The following N4BP2L2 variants were observed in gnomAD, a reference collection of about 807,000 sequenced individuals.
N4BP2L2 encodes NEDD4 binding protein 2 like 2.
Under a neutral mutation model 56.2 loss-of-function variants are expected in N4BP2L2, and 50 were observed. The ratio of observed to expected loss-of-function variants is 0.89; its 90% confidence interval spans 0.71 to 1.13. The LOEUF (loss-of-function observed/expected upper bound fraction) is 1.13. Among genes scored for constraint, N4BP2L2 ranks in the 50% most tolerant of loss-of-function variants. N4BP2L2 has a pLI of 0.00. For synonymous variants in N4BP2L2, 203 were observed against 223.6 expected (o/e 0.91, Z 0.82); for missense variants, 689 against 693.8 (o/e 0.99, Z 0.08).
intron 6 of N4BP2L2, among the ~76,000 whole-genome samples, chr13:32,485,971 G>A (rs1030192466): frequency 3.1e-4 from 47 of 152,214 alleles, no homozygotes; most frequent in African/African-American, 1.1e-3. Context: ...TCAGGAGGCT[G>A]AGGTGGAAGT....
At chr13:32,536,136 G>A in exon 2 of N4BP2L2, 1 of 1,614,096 alleles carries the variant, frequency 6.2e-7, no homozygotes, top group Non-Finnish European at 8.5e-7. Context: ...GGTGGATTTG[G>A]TGGACCACTG....
intron 6 of N4BP2L2, among the ~76,000 whole-genome samples, chr13:32,479,974 A>T (rs1200433582): frequency 1.3e-5 from 2 of 152,182 alleles, no homozygotes; most frequent in Non-Finnish European, 2.9e-5. Context: ...TCACTGATAA[A>T]TTTCCAAAAC....
At chr13:32,527,668 G>C (rs1347889737) in intron 2 of N4BP2L2, 136 bp from the exon 3 acceptor site, 1 of 955,296 alleles carries the variant, frequency 1.0e-6, no homozygotes, top group Non-Finnish European at 1.5e-6. Flanking sequence ...ATACTTACCT[G>C]AAAGTATATC....
intron 6 of N4BP2L2, among the ~76,000 whole-genome samples, chr13:32,463,663 C>CAAA (rs35920030): frequency 1.6e-4 from 17 of 104,008 alleles, no homozygotes; most frequent in South Asian, 6.9e-4. Flanking sequence ...GACTTGGTCT[C>CAAA]AAAAAAAAAA....
intron 6 of N4BP2L2, among the ~76,000 whole-genome samples, chr13:32,502,442 A>AG (rs749301539): frequency 1.3e-5 from 2 of 152,134 alleles, no homozygotes; most frequent in African/African-American, 2.4e-5. Flanking sequence ...TTATCAAAAG[A>AG]GGTAAAATCA....
At chr13:32,527,654 TCTGATACTTAC>T in intron 2 of N4BP2L2, 122 bp from the exon 3 acceptor site, 2 of 1,083,840 alleles carry the variant, frequency 1.8e-6, no homozygotes, top group South Asian at 2.9e-5. Context: ...TAAATGGATT[TCTGATACTTAC>T]CTGAAAGTAT....
intron 6 of N4BP2L2, among the ~76,000 whole-genome samples, chr13:32,458,361 G>A (rs868497525): frequency 1.1e-3 from 161 of 152,208 alleles, no homozygotes; most frequent in Non-Finnish European, 1.7e-3. Flanking sequence ...CACTGTGCCC[G>A]GCCAAATTGA....
At chr13:32,458,667 T>C (rs534211160) in intron 6 of N4BP2L2, among the ~76,000 whole-genome samples, 18 of 152,288 alleles carry the variant, frequency 1.2e-4, no homozygotes, top group South Asian at 2.1e-4. Context: ...AAGGGAGAGA[T>C]AGACTCTAGA....
exon 7 of N4BP2L2, chr13:32,442,797 T>C: frequency 2.5e-6 from 4 of 1,613,804 alleles, no homozygotes; most frequent in Non-Finnish European, 3.4e-6. Context: ...GTCTGTTAAA[T>C]GACAGGCAAT....
chr13:32,470,103 T>C (rs1053877088), intron 6 of N4BP2L2, among the ~76,000 whole-genome samples: 2 of 152,182 alleles, frequency 1.3e-5, no homozygotes, highest in Non-Finnish European at 2.9e-5. Flanking sequence ...TCTCTGCTTA[T>C]GCATTGTGTA....
At chr13:32,499,472 C>T (rs2089539566) in intron 6 of N4BP2L2, among the ~76,000 whole-genome samples, 1 of 152,134 alleles carries the variant, frequency 6.6e-6, no homozygotes, top group Non-Finnish European at 1.5e-5. Context: ...TTCCTATATA[C>T]ATTGGTAAAG....
intron 6 of N4BP2L2, among the ~76,000 whole-genome samples, chr13:32,499,300 T>C (rs956584805): frequency 6.6e-6 from 1 of 152,226 alleles, no homozygotes; most frequent in Non-Finnish European, 1.5e-5. Context: ...TTCTTCTCAC[T>C]ACTGGTTCAT....
chr13:32,442,751 G>T (rs1456652099), exon 7 of N4BP2L2: 7 of 1,613,052 alleles, frequency 4.3e-6, no homozygotes, highest in Non-Finnish European at 5.9e-6. Context: ...ACAAAAGAAG[G>T]AATATAATTT....
chr13:32,517,987 C>T (rs777701445), exon 6 of N4BP2L2: 3 of 1,613,384 alleles, frequency 1.9e-6, no homozygotes, highest in Non-Finnish European at 2.5e-6. Context: ...TTTCGAGACA[C>T]ACCATGTTTA....
intron 6 of N4BP2L2, among the ~76,000 whole-genome samples, chr13:32,450,250 G>C (rs1297417217): frequency 1.3e-5 from 2 of 151,422 alleles, no homozygotes; most frequent in East Asian, 3.9e-4. Flanking sequence ...TGTAAACATG[G>C]AAAAATGAAT....
intron 2 of N4BP2L2, among the ~76,000 whole-genome samples, chr13:32,531,159 C>G (rs1460707973): frequency 1.3e-5 from 2 of 152,188 alleles, no homozygotes; most frequent in East Asian, 3.8e-4. Flanking sequence ...TCCTAGCCAA[C>G]ATCTTGATCA....
At chr13:32,501,135 T>C (rs1005172864) in intron 6 of N4BP2L2, among the ~76,000 whole-genome samples, 27 of 152,306 alleles carry the variant, frequency 1.8e-4, no homozygotes, top group Non-Finnish European at 1.6e-4. Flanking sequence ...CCTAAAGCGC[T>C]GGGCTTACAG....
intron 6 of N4BP2L2, among the ~76,000 whole-genome samples, chr13:32,490,605 G>A (rs2086850373): frequency 6.6e-6 from 1 of 152,060 alleles, no homozygotes; most frequent in Non-Finnish European, 1.5e-5. Context: ...GCGCCTGGCC[G>A]AAGCTATTGT....
At chr13:32,512,544 G>A (rs574985337) in exon 6 of N4BP2L2, 2 of 152,244 alleles carry the variant, frequency 1.3e-5, no homozygotes, top group East Asian at 3.9e-4. Context: ...TCAGAGAACA[G>A]AATTTGTCAG....
Sources: allele counts gnomAD v4.1 joint callset (sites outside exome capture counted in the v4.1 genomes callset), GRCh38; gene constraint gnomAD v4.1.1; transcripts MANE v1.5; gene names NCBI Gene and HGNC (gene_info 2026-07-23, HGNC 2026-07-21).